The following DEUP1 variants were observed in gnomAD, a reference collection of about 807,000 sequenced individuals.
The protein encoded by DEUP1 is deuterosome assembly protein 1, also known as coiled-coil domain containing 67.
In DEUP1, 82 loss-of-function variants were observed where a neutral mutation model predicts 87.4. The observed-to-expected ratio is 0.94, with a 90% CI of 0.78 to 1.13. DEUP1 has a LOEUF of 1.13. Among genes scored for constraint, DEUP1 ranks in the 50% most tolerant of loss-of-function variants. The pLI is 0.00. For missense variants in DEUP1, 663 were observed against 681.5 expected (o/e 0.97, Z 0.30); for synonymous variants, 214 against 222.7 (o/e 0.96, Z 0.35).
chr11:93,411,163 T>C (rs1218794608), intron 12 of DEUP1: 1 of 152,166 alleles, frequency 6.6e-6, no homozygotes, highest in Non-Finnish European at 1.5e-5. Flanking sequence ...AACTGAAAAA[T>C]GAAATCATCT....
intron 12 of DEUP1, chr11:93,411,252 C>G (rs1293577820): frequency 6.6e-6 from 1 of 152,078 alleles, no homozygotes. Flanking sequence ...ATAAATTAAT[C>G]AAAAACATAC....
chr11:93,392,656 C>T (rs1946800345), intron 9 of DEUP1, among the ~76,000 whole-genome samples: 1 of 147,480 alleles, frequency 6.8e-6, no homozygotes, highest in Admixed American at 6.7e-5. Flanking sequence ...ATTGTAATAA[C>T]ATTCTGGCTA....
intron 13 of DEUP1, among the ~76,000 whole-genome samples, chr11:93,435,337 G>A (rs759733328): frequency 3.3e-5 from 5 of 152,046 alleles, no homozygotes; most frequent in Non-Finnish European, 5.9e-5. Flanking sequence ...TTGGTGAAAG[G>A]GGAAATCATG....
At chr11:93,402,594 T>C (rs1329941481) in intron 11 of DEUP1, among the ~76,000 whole-genome samples, 1 of 152,058 alleles carries the variant, frequency 6.6e-6, no homozygotes, top group Non-Finnish European at 1.5e-5. Context: ...AGTCAAAATG[T>C]AGAATCAACT....
At chr11:93,338,978 G>A (rs1943916928) in intron 2 of DEUP1, among the ~76,000 whole-genome samples, 1 of 152,120 alleles carries the variant, frequency 6.6e-6, no homozygotes, top group Admixed American at 6.5e-5. Flanking sequence ...GGTTACATAG[G>A]AATGGCTTCA....
At chr11:93,362,925 G>C (rs2134238952) in intron 4 of DEUP1, among the ~76,000 whole-genome samples, 1 of 151,896 alleles carries the variant, frequency 6.6e-6, no homozygotes, top group Middle Eastern at 3.4e-3. Context: ...AGCAGAAGTG[G>C]CTACTTTAAT....
upstream of DEUP1, chr11:93,330,620 T>G (rs961664066): frequency 1.3e-5 from 2 of 152,582 alleles, no homozygotes; most frequent in Non-Finnish European, 2.9e-5. Context: ...GAGGCCCAAC[T>G]GCCTCGTTGG....
At chr11:93,410,091 T>A (rs1288129828) in intron 12 of DEUP1, among the ~76,000 whole-genome samples, 1 of 152,180 alleles carries the variant, frequency 6.6e-6, no homozygotes, top group Non-Finnish European at 1.5e-5. Context: ...TTCAACATTC[T>A]TATGGGTATA....
At chr11:93,408,908 G>C (rs913453137) in intron 12 of DEUP1, among the ~76,000 whole-genome samples, 1 of 152,022 alleles carries the variant, frequency 6.6e-6, no homozygotes, top group Non-Finnish European at 1.5e-5. Context: ...CCAGGCTGGA[G>C]TGCAGTGGTG....
Position 93,437,051 on chromosome 11 carries a change from C to A in DEUP1, c.1639-492C>A, listed in dbSNP as rs570395024. Among the ~76,000 whole-genome samples, 5 of 152,244 alleles carry A rather than the reference C, an allele frequency of 3.3e-5. No individual in the cohort carries two copies. The East Asian group carries it at 9.7e-4, about 29-fold the overall frequency. ...GCATCAAGCCTTCCCTACTAGGGAG[C>A]CACCTCCACCCCAAGACACATCATG... On this transcript the variant is annotated intron_variant, in intron 13 of 13. Transcript: ENST00000298050.
chr11:93,331,163 GTC>G (rs1943453221), intron 1 of DEUP1, among the ~76,000 whole-genome samples: 1 of 115,294 alleles, frequency 8.7e-6, no homozygotes, highest in South Asian at 2.3e-4. Context: ...TCTCCGCTCT[GTC>G]TCTCTTAATT....
At chr11:93,383,740 A>G (rs1946409877) in intron 7 of DEUP1, 1 of 472,184 alleles carries the variant, frequency 2.1e-6, no homozygotes. Flanking sequence ...AGTGTTTTCT[A>G]TAGCCTTTAC....
chr11:93,386,907 G>A lies in DEUP1; in HGVS notation c.935+1364G>A, dbSNP rs550442521. ...TCAACCCATGTCTAGCTCTGGCTTT[G>A]TGAAGAGCATTGTAGGTACTTTTTA... On this transcript the variant is annotated intron_variant, in intron 8 of 13. Coordinates refer to ENST00000298050, the MANE Select transcript of DEUP1 (RefSeq NM_181645.4). Among the ~76,000 whole-genome samples the A allele has an allele frequency of 1.1e-4, 16 of 152,310 alleles. No homozygotes were observed. The South Asian group carries it at 3.3e-3, about 32-fold the overall frequency.
chr11:93,339,569 A>G (rs578197838), intron 2 of DEUP1, among the ~76,000 whole-genome samples: 2 of 152,226 alleles, frequency 1.3e-5, no homozygotes, highest in African/African-American at 4.8e-5. Context: ...TATTAGAAAC[A>G]GGTGGCATAT....
At chr11:93,393,262 A>C (rs1255438819) in intron 9 of DEUP1, among the ~76,000 whole-genome samples, 1 of 151,014 alleles carries the variant, frequency 6.6e-6, no homozygotes, top group Admixed American at 6.6e-5. Flanking sequence ...CACCCGGCTA[A>C]TGTTTTTACT....
chr11:93,346,258 C>T (rs1944344786), intron 2 of DEUP1, among the ~76,000 whole-genome samples: 1 of 152,154 alleles, frequency 6.6e-6, no homozygotes, highest in Non-Finnish European at 1.5e-5. Flanking sequence ...ATTCTTGCAG[C>T]CCTGTAGTAT....
chr11:93,414,660 G>A (rs1228843846), intron 12 of DEUP1, among the ~76,000 whole-genome samples: 1 of 152,172 alleles, frequency 6.6e-6, no homozygotes, highest in Non-Finnish European at 1.5e-5. Context: ...GTAATTACCT[G>A]TTTGGAGACT....
At chr11:93,432,356 TG>T (rs567842787) in intron 13 of DEUP1, among the ~76,000 whole-genome samples, 2 of 152,110 alleles carry the variant, frequency 1.3e-5, no homozygotes, top group South Asian at 4.1e-4. Context: ...TGTGGAATAA[TG>T]AGGGAGCTCC....
At chr11:93,371,332 T>C in intron 7 of DEUP1, 52 bp downstream of exon 7, 1 of 1,532,710 alleles carries the variant, frequency 6.5e-7, no homozygotes, top group South Asian at 1.2e-5. Flanking sequence ...GTATAAATGG[T>C]AACACATATA....
Sources: allele counts gnomAD v4.1 joint callset (sites outside exome capture counted in the v4.1 genomes callset), GRCh38; gene constraint gnomAD v4.1.1; transcripts MANE v1.5; gene names NCBI Gene and HGNC (gene_info 2026-07-23, HGNC 2026-07-21).